The following EMCN variants were observed in gnomAD, a reference collection of about 807,000 sequenced individuals.
The protein encoded by EMCN is endomucin.
Under a neutral mutation model 38.4 loss-of-function variants are expected in EMCN, and 37 were observed. The observed-to-expected ratio is 0.96, with a 90% CI of 0.74 to 1.27. The LOEUF (loss-of-function observed/expected upper bound fraction) is 1.27. Among genes scored for constraint, EMCN ranks in the 50% most tolerant of loss-of-function variants. The probability of loss-of-function intolerance (pLI) is 0.00; values close to 1 mark genes in which losing one functional copy is unlikely to be tolerated. For synonymous variants in EMCN, 95 were observed against 100.8 expected (o/e 0.94, Z 0.35); for missense variants, 318 against 302.8 (o/e 1.05, Z -0.37).
intron 1 of EMCN, among the ~76,000 whole-genome samples, chr4:100,488,787 A>G (rs1303502146): frequency 6.6e-6 from 1 of 152,184 alleles, no homozygotes; most frequent in Admixed American, 6.5e-5. Context: ...AAATGTAAAG[A>G]AAAACTATTT....
At chr4:100,447,508 G>A in intron 5 of EMCN, 25 bp downstream of exon 5, 3 of 1,554,628 alleles carry the variant, frequency 1.9e-6, no homozygotes, top group Non-Finnish European at 2.7e-6. Context: ...AATACTAAGA[G>A]AGAGACAGAG....
chr4:100,489,780 C>T (rs186961306), intron 1 of EMCN, among the ~76,000 whole-genome samples: 29 of 152,216 alleles, frequency 1.9e-4, no homozygotes, highest in Admixed American at 1.6e-3. Flanking sequence ...CCTGTGGATA[C>T]GGAAGACCAG....
intron 5 of EMCN, among the ~76,000 whole-genome samples, chr4:100,425,665 T>C (rs977954425): frequency 1.3e-5 from 2 of 151,356 alleles, no homozygotes; most frequent in African/African-American, 4.8e-5. Flanking sequence ...TTAATATGTA[T>C]ATATTATATA....
At chr4:100,455,678 G>T (rs1727995641) in intron 4 of EMCN, among the ~76,000 whole-genome samples, 1 of 151,796 alleles carries the variant, frequency 6.6e-6, no homozygotes, top group Non-Finnish European at 1.5e-5. Flanking sequence ...GGTTTTCCAT[G>T]ATTTGATTAT....
At chr4:100,512,909 GA>G (rs1240916805) in intron 1 of EMCN, among the ~76,000 whole-genome samples, 1 of 151,684 alleles carries the variant, frequency 6.6e-6, no homozygotes, top group Non-Finnish European at 1.5e-5. Flanking sequence ...TGATTACTAA[GA>G]AAAAAAGAAT....
intron 5 of EMCN, among the ~76,000 whole-genome samples, chr4:100,443,462 C>T (rs1032932009): frequency 2.0e-5 from 3 of 152,166 alleles, no homozygotes; most frequent in African/African-American, 7.2e-5. Context: ...ATGTAGGTGC[C>T]TCAGTGGCCT....
chr4:100,472,228 C>G (rs1399869949), intron 3 of EMCN, among the ~76,000 whole-genome samples: 1 of 151,890 alleles, frequency 6.6e-6, no homozygotes, highest in African/African-American at 2.4e-5. Flanking sequence ...CATATACACA[C>G]ACACAAATTA....
At chr4:100,455,515 T>G (rs1727986215) in intron 4 of EMCN, among the ~76,000 whole-genome samples, 1 of 98,260 alleles carries the variant, frequency 1.0e-5, no homozygotes, top group African/African-American at 4.0e-5. Flanking sequence ...AAAAGTTTTT[T>G]TTTTTTTTTC....
chr4:100,404,955 T>C (rs1726354043), intron 11 of EMCN, among the ~76,000 whole-genome samples: 2 of 152,106 alleles, frequency 1.3e-5, no homozygotes, highest in Admixed American at 1.3e-4. Flanking sequence ...TATTCCTAGG[T>C]ATTTTATTCT....
intron 1 of EMCN, among the ~76,000 whole-genome samples, chr4:100,484,912 A>G (rs2110285940): frequency 6.6e-6 from 1 of 152,284 alleles, no homozygotes; most frequent in African/African-American, 2.4e-5. Flanking sequence ...CATGATATAC[A>G]AAAATCTGTT....
At chr4:100,495,219 AT>A (rs921153132) in intron 1 of EMCN, among the ~76,000 whole-genome samples, 15 of 151,482 alleles carry the variant, frequency 9.9e-5, no homozygotes, top group Admixed American at 2.6e-4. Flanking sequence ...GAGTTACCTA[AT>A]TTTTTTTTAT....
At chr4:100,460,411 A>G (rs968573874) in intron 4 of EMCN, among the ~76,000 whole-genome samples, 3 of 152,174 alleles carry the variant, frequency 2.0e-5, no homozygotes, top group Admixed American at 1.3e-4. Flanking sequence ...ATAAAGACAT[A>G]CCTGAGACTG....
At chr4:100,486,721 T>G (rs1212986790) in intron 1 of EMCN, 2 of 443,356 alleles carry the variant, frequency 4.5e-6, no homozygotes, top group Non-Finnish European at 6.0e-6. Flanking sequence ...CTGGCCGCTC[T>G]GGGGAGAACA....
chr4:100,480,603 G>A (rs189635120), intron 1 of EMCN, among the ~76,000 whole-genome samples: 3 of 151,236 alleles, frequency 2.0e-5, no homozygotes, highest in African/African-American at 7.3e-5. Flanking sequence ...TACACACAAA[G>A]ATAAGTTCCA....
intron 5 of EMCN, among the ~76,000 whole-genome samples, chr4:100,424,445 C>T (rs766476102): frequency 2.0e-5 from 3 of 152,054 alleles, no homozygotes; most frequent in Non-Finnish European, 4.4e-5. Context: ...ATGATTATGG[C>T]TCCTTGGGCG....
chr4:100,493,283 A>C (rs1354230541), intron 1 of EMCN, among the ~76,000 whole-genome samples: 1 of 152,186 alleles, frequency 6.6e-6, no homozygotes, highest in African/African-American at 2.4e-5. Flanking sequence ...GAATTTATAA[A>C]TTATACTTAT....
chr4:100,494,788 T>A (rs1729169326), intron 1 of EMCN, among the ~76,000 whole-genome samples: 1 of 141,388 alleles, frequency 7.1e-6, no homozygotes, highest in South Asian at 2.1e-4. Flanking sequence ...CTTGTTATAC[T>A]TTTTTTTTTG....
At chr4:100,482,329 C>A (rs1006799559) in intron 1 of EMCN, among the ~76,000 whole-genome samples, 1 of 151,772 alleles carries the variant, frequency 6.6e-6, no homozygotes, top group Non-Finnish European at 1.5e-5. Flanking sequence ...TAAGTCTGCA[C>A]GAAATGTGTG....
Position 100,480,517 on chromosome 4 carries a change from CATT to C in EMCN, c.65-481_65-479del, listed in dbSNP as rs111900480. On this transcript the variant is annotated intron_variant, in intron 1 of 11. Transcript: ENST00000296420. ...ACTATATAAAGTATAAAATATAAAA[CATT>C]ATAATTAATAAAGACAAGAGTATAC... is the stretch of plus-strand genomic sequence containing the variant. Among the ~76,000 whole-genome samples the C allele has an allele frequency of 5.2e-3, 786 of 151,104 alleles. 3 individuals carry two copies. Among genetic ancestry groups the C allele is most frequent in the South Asian group, 0.02 (98 of 4,798 alleles).
Sources: allele counts gnomAD v4.1 joint callset (sites outside exome capture counted in the v4.1 genomes callset), GRCh38; gene constraint gnomAD v4.1.1; transcripts MANE v1.5; gene names NCBI Gene and HGNC (gene_info 2026-07-23, HGNC 2026-07-21).